The following NALF1 variants were observed in gnomAD, a reference collection of about 807,000 sequenced individuals.
NALF1 encodes the protein family with sequence similarity 155 member A.
A neutral mutation model predicts 48.4 loss-of-function variants in NALF1; 3 were observed. The observed-to-expected ratio is 0.06, with a 90% CI of 0.03 to 0.16. The LOEUF is 0.16. Ranked by LOEUF, NALF1 falls within the 10% of genes least tolerant of loss-of-function variation. The pLI is 1.00. For synonymous variants in NALF1, 262 were observed against 245.7 expected (o/e 1.07, Z -0.62); for missense variants, 526 against 571.5 (o/e 0.92, Z 0.81).
intron 1 of NALF1, among the ~76,000 whole-genome samples, chr13:107,327,158 T>C (rs1238328346): frequency 6.6e-6 from 1 of 152,210 alleles, no homozygotes; most frequent in East Asian, 1.9e-4. Context: ...TCTTCTTGCC[T>C]GCAACTTTGC....
In NALF1 at chr13:107,596,828, G is replaced by A. The variant is rs544701205; in HGVS notation, c.915+268854C>T. Among the ~76,000 whole-genome samples the A allele has an allele frequency of 1.6e-3, 241 of 152,112 alleles. 1 individual carries two copies. The highest frequency in any genetic ancestry group is 5.5e-3 in the African/African-American group (227 of 41,484). On this transcript the variant is annotated intron_variant, in intron 1 of 2. Transcript: ENST00000375915. ...CCCAGAACTTAAAGTATAATATATGGAAAAAGAAAAGACAATTTTCATTCG... is the reference window on the plus strand; with the variant it reads ...CCCAGAACTTAAAGTATAATATATGAAAAAAGAAAAGACAATTTTCATTCG...
At chr13:107,217,870 C>T (rs1879908229) in intron 1 of NALF1, among the ~76,000 whole-genome samples, 1 of 152,200 alleles carries the variant, frequency 6.6e-6, no homozygotes, top group South Asian at 2.1e-4. Flanking sequence ...TGAACTCCTG[C>T]TTCATGCTGC....
intron 1 of NALF1, among the ~76,000 whole-genome samples, chr13:107,249,613 T>C (rs1880654199): frequency 6.7e-6 from 1 of 150,116 alleles, no homozygotes; most frequent in Non-Finnish European, 1.5e-5. Flanking sequence ...AGTACAGATG[T>C]AGAGAGATGG....
chr13:107,309,745 T>C (rs1882008703), intron 1 of NALF1, among the ~76,000 whole-genome samples: 1 of 152,216 alleles, frequency 6.6e-6, no homozygotes, highest in Non-Finnish European at 1.5e-5. Context: ...GAATTGACTA[T>C]AATATAGTTG....
intron 1 of NALF1, among the ~76,000 whole-genome samples, chr13:107,385,489 G>T (rs972624265): frequency 4.1e-5 from 6 of 144,860 alleles, no homozygotes; most frequent in Non-Finnish European, 1.5e-5. Context: ...GGAGGTGGAG[G>T]TTGCAGTGAG....
intron 1 of NALF1, among the ~76,000 whole-genome samples, chr13:107,368,203 T>C (rs1039041287): frequency 6.6e-6 from 1 of 152,224 alleles, no homozygotes; most frequent in African/African-American, 2.4e-5. Context: ...TATGGCAGTA[T>C]GACTCTAAAC....
At chr13:107,710,819 A>G (rs1875563657) in intron 1 of NALF1, among the ~76,000 whole-genome samples, 1 of 45,282 alleles carries the variant, frequency 2.2e-5, no homozygotes, top group Non-Finnish European at 5.3e-5. Flanking sequence ...ATATGTGTAT[A>G]TATACACATA....
intron 1 of NALF1, among the ~76,000 whole-genome samples, chr13:107,404,581 G>A (rs1883867449): frequency 6.6e-6 from 1 of 151,986 alleles, no homozygotes; most frequent in South Asian, 2.1e-4. Flanking sequence ...GAAAATTGTA[G>A]GGAACAAATT....
At chr13:107,645,186 C>T (rs1381871372) in intron 1 of NALF1, among the ~76,000 whole-genome samples, 1 of 152,134 alleles carries the variant, frequency 6.6e-6, no homozygotes, top group Admixed American at 6.5e-5. Context: ...TAGGCACTGC[C>T]AAACTGTTCT....
intron 1 of NALF1, among the ~76,000 whole-genome samples, chr13:107,843,032 T>C (rs571343525): frequency 3.7e-4 from 56 of 152,328 alleles, no homozygotes; most frequent in Non-Finnish European, 6.2e-4. Context: ...AGGCCACTGA[T>C]ACCTGCCTAG....
chr13:107,342,239 TA>T (rs1249968028), intron 1 of NALF1, among the ~76,000 whole-genome samples: 1 of 152,198 alleles, frequency 6.6e-6, no homozygotes, highest in Non-Finnish European at 1.5e-5. Context: ...TGGCAAGAGC[TA>T]ATGGAGACAA....
intron 1 of NALF1, among the ~76,000 whole-genome samples, chr13:107,519,478 G>A (rs1404285805): frequency 6.6e-6 from 1 of 152,100 alleles, no homozygotes; most frequent in Non-Finnish European, 1.5e-5. Flanking sequence ...TGGTGTTCAT[G>A]CCCCAAGGAT....
intron 1 of NALF1, among the ~76,000 whole-genome samples, chr13:107,596,695 G>A (rs1230852823): frequency 1.3e-5 from 2 of 152,040 alleles, no homozygotes; most frequent in Non-Finnish European, 2.9e-5. Context: ...ACTAGGGGGA[G>A]GATAGCATTA....
chr13:107,502,815 TGTTAA>T (rs1270247963), intron 1 of NALF1, among the ~76,000 whole-genome samples: 1 of 152,196 alleles, frequency 6.6e-6, no homozygotes, highest in African/African-American at 2.4e-5. Context: ...ATTTTGACAC[TGTTAA>T]GTAATGAGTA....
At chr13:107,716,411 G>A (rs892444579) in intron 1 of NALF1, among the ~76,000 whole-genome samples, 1 of 152,110 alleles carries the variant, frequency 6.6e-6, no homozygotes, top group Non-Finnish European at 1.5e-5. Flanking sequence ...GCTTAATGCC[G>A]AATACAAGAG....
At chr13:107,862,960 T>G (rs970206521) in intron 1 of NALF1, among the ~76,000 whole-genome samples, 2 of 151,602 alleles carry the variant, frequency 1.3e-5, no homozygotes, top group Admixed American at 1.3e-4. Flanking sequence ...TTCTAAAATA[T>G]GTATCCCAAA....
At chr13:107,608,828 C>T (rs1879144024) in intron 1 of NALF1, among the ~76,000 whole-genome samples, 1 of 152,204 alleles carries the variant, frequency 6.6e-6, no homozygotes, top group Non-Finnish European at 1.5e-5. Context: ...ACCCAGCCCG[C>T]AGAGATGGAG....
At chr13:107,311,673 T>C (rs1882049260) in intron 1 of NALF1, among the ~76,000 whole-genome samples, 1 of 152,046 alleles carries the variant, frequency 6.6e-6, no homozygotes, top group Admixed American at 6.5e-5. Flanking sequence ...CCTACTCATC[T>C]GACAAAGGGC....
chr13:107,623,953 TATA>T (rs565610672), intron 1 of NALF1, among the ~76,000 whole-genome samples: 98 of 152,348 alleles, frequency 6.4e-4, no homozygotes, highest in African/African-American at 2.2e-3. Flanking sequence ...TGGAGATGTG[TATA>T]ATATGTCAAA....
Sources: allele counts gnomAD v4.1 joint callset (sites outside exome capture counted in the v4.1 genomes callset), GRCh38; gene constraint gnomAD v4.1.1; transcripts MANE v1.5; gene names NCBI Gene and HGNC (gene_info 2026-07-23, HGNC 2026-07-21).